Variants in GALNT14 observed in about 807,000 individuals in gnomAD.
The protein encoded by GALNT14 is UDP-GalNAc:polypeptide N-acetylgalactosaminyltransferase 14.
GALNT14 carries 60 observed loss-of-function variants against 77.5 expected under a neutral mutation model. The ratio of observed to expected loss-of-function variants is 0.77; its 90% confidence interval spans 0.63 to 0.96. The LOEUF is 0.96. Ranked by LOEUF, GALNT14 falls within the 40% of genes least tolerant of loss-of-function variation. The pLI, the probability that GALNT14 is intolerant of heterozygous loss-of-function variation, is 0.00. For synonymous variants in GALNT14, 280 were observed against 281.7 expected, an observed-to-expected ratio of 0.99 and a Z score of 0.06; for missense variants, 710 against 731.0, an observed-to-expected ratio of 0.97 and a Z score of 0.33.
intron 1 of GALNT14, among the ~76,000 whole-genome samples, chr2:31,083,936 T>C (rs113662019): frequency 0.11 from 17,445 of 152,180 alleles, 1,233 homozygotes; most frequent in Middle Eastern, 0.23. Flanking sequence ...GGCTGTGTGG[T>C]TGGTGAGCTG....
the GALNT14 span, among the ~76,000 whole-genome samples, chr2:30,903,413 T>C: frequency 1.3e-4 from 20 of 152,386 alleles, no homozygotes; most frequent in Admixed American, 2.6e-4. Flanking sequence ...GCAAGTAATT[T>C]ATAACTGAGA....
At chr2:31,014,553 G>A (rs1461900241) in intron 1 of GALNT14, among the ~76,000 whole-genome samples, 1 of 152,100 alleles carries the variant, frequency 6.6e-6, no homozygotes, top group Non-Finnish European at 1.5e-5. Context: ...CTTGCCAGTG[G>A]ATGCCCCCTT....
intron 4 of GALNT14, among the ~76,000 whole-genome samples, chr2:30,958,020 C>T (rs1667470607): frequency 6.6e-6 from 1 of 152,072 alleles, no homozygotes; most frequent in African/African-American, 2.4e-5. Context: ...AACTGGAGGA[C>T]ACAAGGTAGG....
At chr2:30,907,220 T>G (rs1036999031), downstream of GALNT14, among the ~76,000 whole-genome samples, 27 of 151,856 alleles carry the variant, frequency 1.8e-4, no homozygotes, top group African/African-American at 6.5e-4. Flanking sequence ...GGAGCAGAAC[T>G]GAAGGAAATA....
At chr2:30,997,688 A>C (rs1421525412) in intron 1 of GALNT14, among the ~76,000 whole-genome samples, 1 of 152,236 alleles carries the variant, frequency 6.6e-6, no homozygotes, top group Non-Finnish European at 1.5e-5. Context: ...ATCCCGTTTA[A>C]AGTTTTATTT....
At chr2:30,938,527 A>G (rs369688368) in intron 9 of GALNT14, among the ~76,000 whole-genome samples, 4 of 152,346 alleles carry the variant, frequency 2.6e-5, no homozygotes, top group African/African-American at 9.6e-5. Context: ...TTTTAATGCA[A>G]ATCAACTTCT....
At chr2:31,136,179 C>T (rs1300833887) in intron 1 of GALNT14, among the ~76,000 whole-genome samples, 1 of 152,112 alleles carries the variant, frequency 6.6e-6, no homozygotes, top group Non-Finnish European at 1.5e-5. Flanking sequence ...TCAATCTGGC[C>T]TCGCCACCTC....
intron 1 of GALNT14, among the ~76,000 whole-genome samples, chr2:31,077,266 T>C (rs1288842310): frequency 1.3e-5 from 2 of 152,182 alleles, no homozygotes; most frequent in African/African-American, 4.8e-5. Flanking sequence ...TTTTAAAGGA[T>C]CTTGTCTTAA....
chr2:31,034,854 A>G (rs1672618281), intron 1 of GALNT14, among the ~76,000 whole-genome samples: 1 of 152,166 alleles, frequency 6.6e-6, no homozygotes. Flanking sequence ...TCTTTAACCT[A>G]TTAGTTATTT....
At chr2:31,111,251 T>G (rs1028626362) in intron 1 of GALNT14, among the ~76,000 whole-genome samples, 3 of 152,228 alleles carry the variant, frequency 2.0e-5, no homozygotes, top group Admixed American at 6.5e-5. Context: ...GGATTCTTCA[T>G]CAGCAAGCTT....
chr2:31,111,287 CG>C (rs1042083945), intron 1 of GALNT14, among the ~76,000 whole-genome samples: 1 of 152,198 alleles, frequency 6.6e-6, no homozygotes, highest in African/African-American at 2.4e-5. Flanking sequence ...AGGGACCTTC[CG>C]GGGTGGCTAG....
At chr2:31,127,548 A>G (rs60811648) in intron 1 of GALNT14, among the ~76,000 whole-genome samples, 6,742 of 152,292 alleles carry the variant, frequency 0.044, 271 homozygotes, top group African/African-American at 0.11. Flanking sequence ...AAAACAAAAC[A>G]AAACAAAAAT....
chr2:31,066,964 G>C (rs897528027), intron 1 of GALNT14, among the ~76,000 whole-genome samples: 1 of 152,006 alleles, frequency 6.6e-6, no homozygotes, highest in Admixed American at 6.5e-5. Context: ...TTGCCCAGGG[G>C]CCTGGACATC....
At chr2:30,947,249 C>T (rs1383791380) in intron 6 of GALNT14, among the ~76,000 whole-genome samples, 1 of 152,148 alleles carries the variant, frequency 6.6e-6, no homozygotes, top group African/African-American at 2.4e-5. Context: ...GACTCTGCCA[C>T]TCAGCTGCTA....
chr2:30,955,600 C>A lies in GALNT14; in HGVS notation c.654+18G>T. 1 of 1,612,316 alleles carries A rather than the reference C, an allele frequency of 6.2e-7. No homozygotes were observed. The highest frequency in any genetic ancestry group is 8.5e-7 in the Non-Finnish European group (1 of 1,179,186). Reference sequence around the variant, plus strand: ...AGCTGGGGCACGAGGCCCGGCCCTGCTCCTCAGCCTCACTCACCTCTTTGA... The same window carrying A: ...AGCTGGGGCACGAGGCCCGGCCCTGATCCTCAGCCTCACTCACCTCTTTGA... On this transcript the variant is annotated intron_variant, in intron 6 of 14. Transcript: ENST00000349752.
chr2:31,102,863 T>C (rs1677347680), intron 1 of GALNT14, among the ~76,000 whole-genome samples: 1 of 152,160 alleles, frequency 6.6e-6, no homozygotes, highest in African/African-American at 2.4e-5. Flanking sequence ...ATAGTTCCTT[T>C]ATCTTATTTA....
chr2:30,989,076 G>C (rs534302354), intron 2 of GALNT14, among the ~76,000 whole-genome samples: 1 of 152,180 alleles, frequency 6.6e-6, no homozygotes, highest in Non-Finnish European at 1.5e-5. Flanking sequence ...AGTTTAAGAA[G>C]CGCTTACCTA....
At chr2:30,891,316 T>A in the GALNT14 span, among the ~76,000 whole-genome samples, 1 of 152,138 alleles carries the variant, frequency 6.6e-6, no homozygotes, top group Non-Finnish European at 1.5e-5. Flanking sequence ...GTGCCTGTGC[T>A]AGCCAGGTGA....
intron 2 of GALNT14, among the ~76,000 whole-genome samples, chr2:30,984,100 T>C (rs1669153182): frequency 1.3e-5 from 2 of 152,174 alleles, no homozygotes; most frequent in Non-Finnish European, 2.9e-5. Flanking sequence ...AGTCTGGGGA[T>C]GAAGGACAGA....
Sources: gnomAD v4.1 joint callset for allele counts (sites outside exome capture counted in the v4.1 genomes callset) on GRCh38, gnomAD v4.1.1 for gene constraint, MANE v1.5 for transcripts, NCBI Gene and HGNC (gene_info 2026-07-23, HGNC 2026-07-21) for gene names.